VGLL4: variants seen among roughly 807,000 people sequenced by gnomAD.
VGLL4 encodes transcription cofactor vestigial-like protein 4.
Under a neutral mutation model 21.0 loss-of-function variants are expected in VGLL4, and 7 were observed. The observed-to-expected ratio is 0.33, with a 90% CI of 0.19 to 0.63. The LOEUF is 0.63. VGLL4 is among the 20% of genes least tolerant of loss of function. VGLL4 has a pLI of 0.78. For missense variants in VGLL4, 394 were observed against 425.7 expected, an observed-to-expected ratio of 0.93 and a Z score of 0.66; for synonymous variants, 222 against 173.2, an observed-to-expected ratio of 1.28 and a Z score of -2.21.
chr3:11,572,283 TGA>T (rs2073804548), intron 2 of VGLL4, among the ~76,000 whole-genome samples: 1 of 152,194 alleles, frequency 6.6e-6, no homozygotes, highest in Non-Finnish European at 1.5e-5. Context: ...AAACTGAGCT[TGA>T]GAGAGGCTAA....
intron 1 of VGLL4, among the ~76,000 whole-genome samples, chr3:11,639,509 C>A (rs1559917059): frequency 6.6e-6 from 1 of 152,252 alleles, no homozygotes; most frequent in Non-Finnish European, 1.5e-5. Context: ...AGGGTGTTAT[C>A]CCCGTGCTAG....
At chr3:11,590,663 A>AGTGTGTGTGTGT (rs10592668) in intron 2 of VGLL4, among the ~76,000 whole-genome samples, 6 of 147,380 alleles carry the variant, frequency 4.1e-5, no homozygotes, top group South Asian at 4.5e-4. Flanking sequence ...CAAAATGAAG[A>AGTGTGTGTGTGT]GTGTGTGTGT....
At chr3:11,635,137 C>G (rs964573424) in intron 1 of VGLL4, among the ~76,000 whole-genome samples, 2 of 152,082 alleles carry the variant, frequency 1.3e-5, no homozygotes, top group African/African-American at 4.8e-5. Flanking sequence ...GTTGTGGGAG[C>G]AGAAATCAGA....
rs966545125 is a variant in VGLL4 at position 11,560,662 on chromosome 3, T to A, written c.496-1207A>T. 3.3e-5 allele frequency among the ~76,000 whole-genome samples: 5 copies of A among 152,146 alleles called. No homozygotes were observed. In the South Asian group the frequency reaches 1.0e-3, roughly 32 times the overall value. ...GAACACAAGGACCTGTGCTTGGGTC[T>A]AACAAGAAGCGACACATGCCAGGGT... On this transcript the variant is annotated intron_variant, in intron 3 of 4. Coordinates refer to ENST00000430365, the MANE Select transcript of VGLL4 (RefSeq NM_001128219.3).
chr3:11,606,331 T>C (rs894302387), intron 1 of VGLL4, among the ~76,000 whole-genome samples: 4 of 152,318 alleles, frequency 2.6e-5, no homozygotes, highest in South Asian at 2.1e-4. Flanking sequence ...CCATATCAGA[T>C]GTCCAACATC....
At chr3:11,639,430 G>A (rs533801103) in intron 1 of VGLL4, among the ~76,000 whole-genome samples, 9 of 152,350 alleles carry the variant, frequency 5.9e-5, no homozygotes, top group Middle Eastern at 3.4e-3. Context: ...CAACAGCCTC[G>A]GAATTTGGAC....
At chr3:11,664,170 G>A (rs780107321) in intron 2 of VGLL4, among the ~76,000 whole-genome samples, 5 of 151,928 alleles carry the variant, frequency 3.3e-5, no homozygotes, top group Non-Finnish European at 5.9e-5. Flanking sequence ...CCCGGGAGGC[G>A]GAGGTTGCAG....
At chr3:11,651,995 A>G (rs1255082033) in intron 2 of VGLL4, among the ~76,000 whole-genome samples, 2 of 152,170 alleles carry the variant, frequency 1.3e-5, no homozygotes, top group Admixed American at 1.3e-4. Flanking sequence ...GTTAAAACAC[A>G]CTCAACTTCT....
intron 2 of VGLL4, among the ~76,000 whole-genome samples, chr3:11,691,983 G>GAAAAAAAAAAA (rs36035876): frequency 9.5e-6 from 1 of 105,696 alleles, no homozygotes. Flanking sequence ...TGCACCAAAT[G>GAAAAAAAAAAA]AAAAAAAAAA....
chr3:11,587,271 G>C (rs1324262386), intron 2 of VGLL4, among the ~76,000 whole-genome samples: 5 of 152,214 alleles, frequency 3.3e-5, no homozygotes, highest in African/African-American at 4.8e-5. Flanking sequence ...TGAGGTTCTA[G>C]AGGAATCCCT....
intron 2 of VGLL4, among the ~76,000 whole-genome samples, chr3:11,587,431 C>A (rs1325422128): frequency 1.3e-5 from 2 of 152,160 alleles, no homozygotes; most frequent in Non-Finnish European, 2.9e-5. Flanking sequence ...CGGCCTAAGA[C>A]AAAATGATGT....
chr3:11,650,744 C>CACACACACACACACAG (rs1491587847), intron 2 of VGLL4, among the ~76,000 whole-genome samples: 17 of 146,712 alleles, frequency 1.2e-4, no homozygotes, highest in Admixed American at 2.7e-4. Context: ...CACACACACA[C>CACACACACACACACAG]AGACACACAC....
At chr3:11,671,255 T>G (rs2076210987) in intron 2 of VGLL4, 1 of 1,563,488 alleles carries the variant, frequency 6.4e-7, no homozygotes, top group Non-Finnish European at 8.6e-7. Flanking sequence ...CAAAAGAACA[T>G]TTTTACCATG....
chr3:11,601,686 C>A, intron 2 of VGLL4, 147 bp downstream of exon 2: 1 of 1,022,556 alleles, frequency 9.8e-7, no homozygotes, highest in Non-Finnish European at 1.4e-6. Context: ...TTCTTTTTGG[C>A]AGATGAATAC....
chr3:11,559,243 G>A (rs1559851033), intron 4 of VGLL4, 89 bp downstream of exon 4: 3 of 1,452,396 alleles, frequency 2.1e-6, no homozygotes, highest in Middle Eastern at 1.8e-4. Flanking sequence ...TGGGCTCAGG[G>A]GCGAGAGGTT....
upstream of VGLL4, among the ~76,000 whole-genome samples, chr3:11,647,115 T>C (rs1451689425): frequency 6.6e-6 from 1 of 152,188 alleles, no homozygotes; most frequent in Non-Finnish European, 1.5e-5. Flanking sequence ...GAGAAGCTTG[T>C]GCTCCAGAGG....
chr3:11,649,980 C>T (rs2075846084), intron 2 of VGLL4, among the ~76,000 whole-genome samples: 1 of 152,000 alleles, frequency 6.6e-6, no homozygotes, highest in Admixed American at 6.6e-5. Context: ...CCCTCTATTG[C>T]CCAGGCTAGA....
chr3:11,567,781 C>T (rs2073605114), intron 2 of VGLL4, among the ~76,000 whole-genome samples: 1 of 152,220 alleles, frequency 6.6e-6, no homozygotes, highest in Non-Finnish European at 1.5e-5. Context: ...TCAGTGTCAC[C>T]ACACATCCTC....
chr3:11,670,906 G>A lies in VGLL4; in HGVS notation c.64+32065C>T, dbSNP rs550540649. Among the ~76,000 whole-genome samples, 11 of 152,032 alleles carry A rather than the reference G, an allele frequency of 7.2e-5. No individual in the cohort carries two copies. In the South Asian group the frequency reaches 8.4e-4, roughly 12 times the overall value. ...TACAAAATTAGCAAGGTGTGGTGGC[G>A]CATGCCTGTAATTGCAGCTACTCGG... On this transcript the variant is annotated intron_variant, in intron 2 of 5. Transcript: ENST00000273038.
Sources: allele counts gnomAD v4.1 joint callset (sites outside exome capture counted in the v4.1 genomes callset), GRCh38; gene constraint gnomAD v4.1.1; transcripts MANE v1.5; gene names NCBI Gene and HGNC (gene_info 2026-07-23, HGNC 2026-07-21).